Variants in DOCK10 observed in about 807,000 individuals in gnomAD.
DOCK10 encodes the protein dedicator of cytokinesis 10, also known as dedicator of cytokinesis protein 10.
A neutral mutation model predicts 280.1 loss-of-function variants in DOCK10; 145 were observed. That is an observed-to-expected ratio of 0.52 (90% confidence interval 0.45 to 0.59). The LOEUF (loss-of-function observed/expected upper bound fraction) is 0.59, where lower values mean the gene tolerates loss of function less well. Among genes scored for constraint, DOCK10 ranks in the 20% least tolerant of loss-of-function variants. DOCK10 has a pLI of 0.00. For missense variants in DOCK10, 2,368 were observed against 2,651.7 expected (o/e 0.89, Z 2.35); for synonymous variants, 915 against 942.2 (o/e 0.97, Z 0.53).
intron 53 of DOCK10, among the ~76,000 whole-genome samples, chr2:224,771,691 G>C (rs989471859): frequency 6.6e-6 from 1 of 152,198 alleles, no homozygotes; most frequent in Non-Finnish European, 1.5e-5. Flanking sequence ...TGGCCAGTGT[G>C]GCAGATGCAG....
At chr2:224,928,860 A>C (rs1702174542) in intron 2 of DOCK10, among the ~76,000 whole-genome samples, 1 of 152,190 alleles carries the variant, frequency 6.6e-6, no homozygotes, top group Non-Finnish European at 1.5e-5. Context: ...ATCCACACTC[A>C]GTCATTTGTT....
intron 3 of DOCK10, among the ~76,000 whole-genome samples, chr2:224,907,287 G>A (rs12466303): frequency 0.23 from 35,688 of 152,108 alleles, 4,827 homozygotes; most frequent in Admixed American, 0.34. Flanking sequence ...TGCTGTATGA[G>A]GGTAAGTACA....
At chr2:225,011,833 G>A (rs968064389) in intron 1 of DOCK10, among the ~76,000 whole-genome samples, 4 of 152,120 alleles carry the variant, frequency 2.6e-5, no homozygotes, top group East Asian at 1.9e-4. Flanking sequence ...TAGCTACAGC[G>A]TAAGCCGAAG....
At chr2:224,783,165 T>C (rs1691473847) in intron 50 of DOCK10, among the ~76,000 whole-genome samples, 1 of 152,228 alleles carries the variant, frequency 6.6e-6, no homozygotes. Context: ...CTCCATTGGT[T>C]CTCCTTGTTC....
chr2:224,872,175 A>G (rs902173421), intron 11 of DOCK10, among the ~76,000 whole-genome samples: 6 of 152,272 alleles, frequency 3.9e-5, no homozygotes, highest in Admixed American at 3.3e-4. Flanking sequence ...CCTGTCAACA[A>G]GAATCTCACA....
intron 1 of DOCK10, among the ~76,000 whole-genome samples, chr2:224,986,611 C>T (rs982012223): frequency 3.0e-5 from 2 of 65,942 alleles, no homozygotes; most frequent in African/African-American, 7.4e-5. Context: ...TAAACACCAG[C>T]TCTCTCTCTC....
intron 19 of DOCK10, among the ~76,000 whole-genome samples, chr2:224,846,986 C>T (rs774300486): frequency 5.9e-5 from 9 of 152,160 alleles, no homozygotes; most frequent in Non-Finnish European, 7.3e-5. Flanking sequence ...GATGCAGCTT[C>T]GGCATGGAAT....
chr2:224,866,650 C>A (rs555567252), intron 11 of DOCK10, among the ~76,000 whole-genome samples: 2 of 152,136 alleles, frequency 1.3e-5, no homozygotes, highest in Admixed American at 6.5e-5. Flanking sequence ...ATTCTTTCTA[C>A]ACGTATTAGC....
intron 1 of DOCK10, among the ~76,000 whole-genome samples, chr2:224,994,830 T>C (rs1706225164): frequency 6.6e-6 from 1 of 152,228 alleles, no homozygotes; most frequent in African/African-American, 2.4e-5. Context: ...TATCTATTGT[T>C]GAAGAACACG....
intron 27 of DOCK10, among the ~76,000 whole-genome samples, chr2:224,828,247 T>C (rs1455812937): frequency 2.6e-5 from 4 of 152,190 alleles, no homozygotes; most frequent in Non-Finnish European, 5.9e-5. Flanking sequence ...CCTCTGCAAT[T>C]GTACATTGAG....
intron 1 of DOCK10, among the ~76,000 whole-genome samples, chr2:224,995,200 G>T (rs1078727): frequency 0.074 from 11,285 of 152,220 alleles, 1,066 homozygotes; most frequent in African/African-American, 0.22. Context: ...ACTGGAGTTT[G>T]AAGTTTATGA....
intron 1 of DOCK10, among the ~76,000 whole-genome samples, chr2:225,038,551 C>A (rs1690328573): frequency 6.6e-6 from 1 of 152,140 alleles, no homozygotes; most frequent in Non-Finnish European, 1.5e-5. Context: ...CTCTTTACCC[C>A]TTACACTTTC....
At position 224,895,813 on chromosome 2, in the gene DOCK10, TTG is replaced by T. The variant is rs1300628923; in HGVS notation, c.416+480_416+481del. Among the ~76,000 whole-genome samples the T allele has an allele frequency of 7.3e-3, 839 of 115,160 alleles. 17 individuals are homozygous for T. The highest frequency in any genetic ancestry group is 0.045 in the Admixed American group (541 of 11,936). 75.5% of individuals were successfully genotyped at this position (115,160 alleles called of 152,430 possible). On this transcript the variant is annotated intron_variant, in intron 4 of 55. Transcript: ENST00000258390. ...AATCAGGTGTTTATTTTCCTTTTGG[TTG>T]TGTGTGTGTGTGTGTGCGTGTGTGT...
chr2:224,876,451 T>C (rs541531203), intron 7 of DOCK10, among the ~76,000 whole-genome samples: 10 of 152,190 alleles, frequency 6.6e-5, no homozygotes, highest in Admixed American at 1.3e-4. Flanking sequence ...GTTGATTGGA[T>C]GGACACGTTA....
At chr2:224,765,870 T>C (rs913842304) in intron 55 of DOCK10, 33 bp from the exon 56 acceptor site, 12 of 1,536,146 alleles carry the variant, frequency 7.8e-6, no homozygotes, top group Non-Finnish European at 1.1e-5. Context: ...CACAACAGAA[T>C]GCAGAGGTTA....
At chr2:225,002,374 A>C (rs2015161) in intron 1 of DOCK10, among the ~76,000 whole-genome samples, 41,988 of 152,110 alleles carry the variant, frequency 0.28, 10,489 homozygotes, top group African/African-American at 0.67. Flanking sequence ...AGTTTCCATT[A>C]CCAAGTGGCA....
At position 224,971,045 on chromosome 2, in the gene DOCK10, C is replaced by A. The variant is rs544102920; in HGVS notation, c.124-39377G>T. 2.6e-5 allele frequency among the ~76,000 whole-genome samples: 4 copies of A among 152,292 alleles called. No homozygotes were observed. In the South Asian group the frequency reaches 8.3e-4, roughly 32 times the overall value. ...TGCTCTGCCAGCAACTTTGTAGAAG[C>A]TACAGATAAGTCAATTTACCTGTTT... On this transcript the variant is annotated intron_variant, in intron 1 of 55. Transcript: ENST00000258390.
intron 1 of DOCK10, among the ~76,000 whole-genome samples, chr2:225,027,259 G>T (rs1441722262): frequency 6.6e-6 from 1 of 152,144 alleles, no homozygotes; most frequent in African/African-American, 2.4e-5. Flanking sequence ...GACAGTCTAG[G>T]GTCTACTGAA....
Position 224,841,833 on chromosome 2 carries a change from G to A in DOCK10, c.2632C>T (p.Pro878Ser). Residue 878 changes from proline to serine, a missense_variant, in exon 23 of 56, where the codon CCT (proline) becomes TCT (serine). Physicochemically the swap from Pro to Ser is moderately conservative, Grantham distance 74. This residue lies in a region of DOCK10 where 1,209 missense variants were observed against 1,250.9 expected (regional missense o/e 0.97). Coordinates refer to ENST00000258390, the MANE Select transcript of DOCK10 (RefSeq NM_014689.3). The part of the protein sequence containing the change: ...QKREKDMSQS[P>S]TSNFIRSCKN... ...CAAGAGCGGATGAAATTTGAGGTAG[G>A]TGACTGAGACATATCTTTCTCTCTT... is the stretch of plus-strand genomic sequence containing the variant. 1 of 1,613,228 alleles carries A rather than the reference G, an allele frequency of 6.2e-7. No homozygotes were observed. Among genetic ancestry groups the A allele is most frequent in the Non-Finnish European group, 8.5e-7 (1 of 1,179,258 alleles).
Sources: gnomAD v4.1 joint callset for allele counts (sites outside exome capture counted in the v4.1 genomes callset) on GRCh38, gnomAD v4.1.1 for gene constraint, gnomAD v4.1.1 regional missense constraint, MANE v1.5 for transcripts, NCBI Gene and HGNC (gene_info 2026-07-23, HGNC 2026-07-21) for gene names.